Variants in SV2B observed in about 807,000 individuals in gnomAD.
SV2B encodes the protein solute carrier family 22 member B2.
Under a neutral mutation model 73.9 loss-of-function variants are expected in SV2B, and 41 were observed. The observed-to-expected ratio is 0.56, with a 90% CI of 0.43 to 0.72. The LOEUF (loss-of-function observed/expected upper bound fraction) is 0.72. SV2B is among the 30% of genes least tolerant of loss of function. The pLI is 0.00. For missense variants in SV2B, 764 were observed against 857.8 expected (o/e 0.89, Z 1.37); for synonymous variants, 314 against 314.2 (o/e 1.00, Z 0.01).
In SV2B at chr15:91,134,004, C is replaced by CTTTTTTTTTTTTTTTTTTTTTTTTT. The variant is rs10637206; in HGVS notation, c.-392+33653_-392+33654insTTTTTTTTTTTTTTTTTTTTTTTTT. ...TGCCTCTTCACCACTTTCTTTCTTC[C>CTTTTTTTTTTTTTTTTTTTTTTTTT]TTTTTTTTTTTTGAGATGGAGTCTT... On this transcript the variant is annotated intron_variant, in intron 1 of 12. Transcript: ENST00000394232. 2.0e-4 allele frequency among the ~76,000 whole-genome samples: 21 copies of CTTTTTTTTTTTTTTTTTTTTTTTTT among 106,218 alleles called. 4 individuals carry two copies. The highest frequency in any genetic ancestry group is 3.0e-4 in the Admixed American group (3 of 9,988). 69.7% of individuals were successfully genotyped at this position (106,218 alleles called of 152,430 possible).
At chr15:91,156,856 A>G (rs916135743) in intron 1 of SV2B, among the ~76,000 whole-genome samples, 1 of 152,214 alleles carries the variant, frequency 6.6e-6, no homozygotes, top group Non-Finnish European at 1.5e-5. Flanking sequence ...TATAAACCAC[A>G]TGGAGAACAA....
Position 91,226,267 on chromosome 15 carries a change from G to C in SV2B, c.4G>C (p.Asp2His). The change falls in exon 2 of 13, where the codon GAT becomes CAT. Residue 2 changes from aspartate (D) to histidine (H), a missense_variant. Physicochemically the swap from Asp to His is moderately conservative, Grantham distance 81. Coordinates refer to ENST00000394232, the MANE Select transcript of SV2B (RefSeq NM_001323032.3). Reference protein sequence around the residue: MDDYKYQDNYGG... With the variant: MHDYKYQDNYGG... ...CAGGCAGTCGCAGAACCAAGGAATG[G>C]ATGACTACAAGTATCAGGACAATTA... is the stretch of plus-strand genomic sequence containing the variant. The C allele has an allele frequency of 1.2e-6, 2 of 1,614,104 alleles. No individual in the cohort carries two copies. The highest frequency in any genetic ancestry group is 1.7e-6 in the Non-Finnish European group (2 of 1,180,008).
chr15:91,209,988 GA>G (rs2045795698), intron 1 of SV2B, among the ~76,000 whole-genome samples: 1 of 152,032 alleles, frequency 6.6e-6, no homozygotes. Context: ...CTGAATTGGG[GA>G]AGAGAATGGG....
chr15:91,273,482 T>C (rs570417504), intron 9 of SV2B, among the ~76,000 whole-genome samples: 1 of 152,334 alleles, frequency 6.6e-6, no homozygotes, highest in East Asian at 1.9e-4. Context: ...CTGCTGAAAA[T>C]TGGATTCCTT....
At position 91,226,509 on chromosome 15, in the gene SV2B, T is replaced by C; in HGVS notation, c.246T>C (p.Ala82=). ...TTCGGGGCCAGACAGACCTGATGGC[T>C]GAGAGGCTGGAAGATGAGGAGCAGT... ...DSLRGQTDLM[A]ERLEDEEQLA... The change falls in exon 2 of 13, where the codon GCT becomes GCC. Residue 82 remains alanine (A), a synonymous_variant. Coordinates refer to ENST00000394232, the MANE Select transcript of SV2B (RefSeq NM_001323032.3). 3.1e-6 allele frequency: 5 copies of C among 1,614,172 alleles called. No individual in the cohort carries two copies. Among genetic ancestry groups the C allele is most frequent in the Non-Finnish European group, 4.2e-6 (5 of 1,180,016 alleles).
At chr15:91,211,134 G>A (rs986461809) in intron 1 of SV2B, among the ~76,000 whole-genome samples, 1 of 152,224 alleles carries the variant, frequency 6.6e-6, no homozygotes, top group African/African-American at 2.4e-5. Flanking sequence ...CAGTAGTTTC[G>A]AAGCCGCTAA....
At chr15:91,249,453 G>A (rs567180134) in intron 2 of SV2B, among the ~76,000 whole-genome samples, 1 of 152,262 alleles carries the variant, frequency 6.6e-6, no homozygotes, top group Admixed American at 6.5e-5. Context: ...TGAAAGGATG[G>A]AACCATTCCT....
rs1363573479 is a variant in SV2B, at chr15:91,226,296, G to C, written c.33G>C (p.Gly11=). Residue 11 remains glycine (G), a synonymous_variant, in exon 2 of 13, where the codon GGG becomes GGC. Coordinates refer to ENST00000394232, the MANE Select transcript of SV2B (RefSeq NM_001323032.3). ...ACTACAAGTATCAGGACAATTATGG[G>C]GGCTATGCTCCCAGTGATGGCTATT... MDDYKYQDNY[G]GYAPSDGYYR... is the part of the protein sequence containing the mutation. 3.1e-6 allele frequency: 5 copies of C among 1,614,014 alleles called. No homozygotes were observed. Among genetic ancestry groups the C allele is most frequent in the African/African-American group, 1.3e-5 (1 of 74,920 alleles).
chr15:91,137,174 A>C lies in SV2B; in HGVS notation c.-392+36811A>C, dbSNP rs2042855678. On this transcript the variant is annotated intron_variant, in intron 1 of 12. Transcript: ENST00000394232. This position sits in a 1 kb window ranked among gnomAD's most constrained non-coding sequence, Gnocchi z 4.9. ...ACCTCCAAATCCCATGTATTTTTTC[A>C]TGGTTGTATAAATTCTTTAAATGGT... Among the ~76,000 whole-genome samples the C allele has an allele frequency of 6.6e-6, 1 of 152,116 alleles. No individual in the cohort carries two copies. The highest frequency in any genetic ancestry group is 1.5e-5 in the Non-Finnish European group (1 of 68,012).
Position 91,292,440 on chromosome 15 carries a change from C to G in SV2B, c.1940C>G (p.Ser647Cys), listed in dbSNP as rs752739632. The change falls in exon 13 of 13, where the codon TCT becomes TGT. Residue 647 changes from serine to cysteine, a missense_variant. Ser to Cys is a moderately radical substitution (Grantham distance 112). Coordinates refer to ENST00000394232, the MANE Select transcript of SV2B (RefSeq NM_001323032.3). ...GAILGNTIFASFVGITKVVPI... is the reference protein window; with the variant it reads ...GAILGNTIFACFVGITKVVPI... ...ATCCTGGGAAACACCATCTTTGCTT[C>G]TTTTGTTGGGATAACCAAAGTGGTC... 2 of 1,614,082 alleles carry G rather than the reference C, an allele frequency of 1.2e-6. No individual in the cohort carries two copies. The highest frequency in any genetic ancestry group is 2.2e-5 in the South Asian group (2 of 91,088).
intron 1 of SV2B, among the ~76,000 whole-genome samples, chr15:91,114,821 G>C (rs1019271781): frequency 6.6e-6 from 1 of 152,200 alleles, no homozygotes; most frequent in Non-Finnish European, 1.5e-5. Flanking sequence ...ATTCCATGCT[G>C]TGTTCTCGGG....
At chr15:91,218,930 G>C (rs1037155443) in intron 1 of SV2B, among the ~76,000 whole-genome samples, 2 of 151,970 alleles carry the variant, frequency 1.3e-5, no homozygotes, top group African/African-American at 4.8e-5. Context: ...CTATATTTTG[G>C]GCTTGCTTTC....
At chr15:91,135,793 G>A (rs2042804253) in intron 1 of SV2B, among the ~76,000 whole-genome samples, 1 of 152,190 alleles carries the variant, frequency 6.6e-6, no homozygotes, top group Non-Finnish European at 1.5e-5. Context: ...TAGTGTTAGA[G>A]ACAAAAGATG....
rs542326061 is a variant in SV2B at position 91,231,567 on chromosome 15, G to A, written c.451+4853G>A. Among the ~76,000 whole-genome samples, 3 of 151,924 alleles carry A rather than the reference G, an allele frequency of 2.0e-5. No individual in the cohort carries two copies. The highest frequency in any genetic ancestry group is 2.1e-4 in the South Asian group (1 of 4,820). On this transcript the variant is annotated intron_variant, in intron 2 of 12. Transcript: ENST00000394232. This position sits in a 1 kb window ranked among gnomAD's most constrained non-coding sequence, Gnocchi z 4.5. ...CAACCTATAGGATGACAATATTGGC[G>A]ACACGTAAGGCAAACCAACCCCATC... is the stretch of plus-strand genomic sequence containing the variant.
intron 1 of SV2B, among the ~76,000 whole-genome samples, chr15:91,156,999 G>T (rs916119314): frequency 6.6e-6 from 1 of 152,164 alleles, no homozygotes; most frequent in African/African-American, 2.4e-5. Flanking sequence ...TGCTGCCCAG[G>T]GCTCTCTATA....
intron 1 of SV2B, among the ~76,000 whole-genome samples, chr15:91,171,456 C>A (rs1210039122): frequency 6.6e-6 from 1 of 152,220 alleles, no homozygotes; most frequent in African/African-American, 2.4e-5. Flanking sequence ...GGCTGCCTCT[C>A]TGCTGCTGCG....
intron 1 of SV2B, among the ~76,000 whole-genome samples, chr15:91,225,510 A>G (rs1026840821): frequency 6.6e-6 from 1 of 152,202 alleles, no homozygotes; most frequent in East Asian, 1.9e-4. Flanking sequence ...TCATTCTTGC[A>G]TAACATTTTT....
At chr15:91,260,025 G>A (rs192697341) in intron 5 of SV2B, among the ~76,000 whole-genome samples, 11 of 152,176 alleles carry the variant, frequency 7.2e-5, no homozygotes, top group African/African-American at 2.2e-4. Context: ...CCACACCACC[G>A]TCCATTCAAC....
rs1346213955 is a variant in SV2B at position 91,197,553 on chromosome 15, A to C, written c.-391-28320A>C. Among the ~76,000 whole-genome samples, 1 of 147,684 alleles carries C rather than the reference A, an allele frequency of 6.8e-6. No homozygotes were observed. The highest frequency in any genetic ancestry group is 1.9e-4 in the East Asian group (1 of 5,178). On this transcript the variant is annotated intron_variant, in intron 1 of 12. Transcript: ENST00000394232. The surrounding 1 kb of genome is among the most constrained non-coding windows in gnomAD (Gnocchi z 4.9). ...TTGTTTTTAATAGAAGAAAAAAAAAACCAAACCAAACCAAACAAAACAAAA... is the reference window on the plus strand; with the variant it reads ...TTGTTTTTAATAGAAGAAAAAAAAACCCAAACCAAACCAAACAAAACAAAA...
Sources: gnomAD v4.1 joint callset for allele counts (sites outside exome capture counted in the v4.1 genomes callset) on GRCh38, gnomAD v4.1.1 for gene constraint, Gnocchi (gnomAD v3.1) non-coding constraint, MANE v1.5 for transcripts, NCBI Gene and HGNC (gene_info 2026-07-23, HGNC 2026-07-21) for gene names.